Variants in KCNIP4 observed in about 807,000 individuals in gnomAD.
The protein encoded by KCNIP4 is potassium voltage-gated channel interacting protein 4, also known as Kv channel-interacting protein 4.
In KCNIP4, 12 loss-of-function variants were observed where a neutral mutation model predicts 34.0. That is an observed-to-expected ratio of 0.35 (90% CI 0.23 to 0.57). The LOEUF (loss-of-function observed/expected upper bound fraction) is 0.57. KCNIP4 is among the 20% of genes least tolerant of loss of function. KCNIP4 has a pLI of 0.83. For missense variants in KCNIP4, 238 were observed against 311.7 expected (o/e 0.76, Z 1.78); for synonymous variants, 124 against 102.2 (o/e 1.21, Z -1.29).
chr4:21,580,909 A>G (rs6843752), intron 1 of KCNIP4, among the ~76,000 whole-genome samples: 9,917 of 152,126 alleles, frequency 0.065, 473 homozygotes, highest in African/African-American at 0.13. Context: ...TTGTAAGGAT[A>G]TGTCAGCCTA....
At chr4:21,694,049 C>T (rs1711985147) in intron 1 of KCNIP4, among the ~76,000 whole-genome samples, 1 of 152,100 alleles carries the variant, frequency 6.6e-6, no homozygotes, top group African/African-American at 2.4e-5. Context: ...TCAAAACAAC[C>T]TTCAAATAAG....
intron 1 of KCNIP4, among the ~76,000 whole-genome samples, chr4:21,238,133 T>A (rs1333112434): frequency 6.6e-6 from 1 of 152,146 alleles, no homozygotes; most frequent in Non-Finnish European, 1.5e-5. Flanking sequence ...AAAAACCACA[T>A]GATTACCTCA....
chr4:21,630,121 C>T (rs979677842), intron 1 of KCNIP4, among the ~76,000 whole-genome samples: 2 of 151,200 alleles, frequency 1.3e-5, no homozygotes, highest in East Asian at 4.0e-4. Flanking sequence ...ACCTTGGCCT[C>T]CCAAAATACT....
At chr4:20,783,525 TA>T (rs1711528432) in intron 3 of KCNIP4, among the ~76,000 whole-genome samples, 1 of 152,170 alleles carries the variant, frequency 6.6e-6, no homozygotes, top group Non-Finnish European at 1.5e-5. Flanking sequence ...AAACCCCTGA[TA>T]AAACTGTCAG....
chr4:20,770,142 C>A (rs2149377958), intron 3 of KCNIP4, among the ~76,000 whole-genome samples: 1 of 152,268 alleles, frequency 6.6e-6, no homozygotes, highest in Non-Finnish European at 1.5e-5. Context: ...GTTTTCATAG[C>A]AGTTTTTGTT....
intron 1 of KCNIP4, among the ~76,000 whole-genome samples, chr4:21,736,638 C>G (rs1716009486): frequency 6.6e-6 from 1 of 152,172 alleles, no homozygotes; most frequent in Non-Finnish European, 1.5e-5. Flanking sequence ...TATGTCACTT[C>G]ATAAGTGAAG....
At position 21,530,270 on chromosome 4, in the gene KCNIP4, C is replaced by T. The variant is rs188670602; in HGVS notation, c.61+418301G>A. Among the ~76,000 whole-genome samples, 322 of 152,192 alleles carry T rather than the reference C, an allele frequency of 2.1e-3. 1 individual carries two copies. Among genetic ancestry groups the T allele is most frequent in the Non-Finnish European group, 2.5e-3 (171 of 68,020 alleles). On this transcript the variant is annotated intron_variant, in intron 1 of 8. Coordinates refer to ENST00000382152, the MANE Select transcript of KCNIP4 (RefSeq NM_025221.6). ...TCAAATACATAATGTACTTTTGTTT[C>T]CTAGGTTATACAGCTCTAGCTACAG...
intron 1 of KCNIP4, among the ~76,000 whole-genome samples, chr4:21,589,912 T>A (rs569389082): frequency 3.3e-5 from 5 of 151,996 alleles, no homozygotes; most frequent in African/African-American, 1.2e-4. Context: ...CATAAGATGC[T>A]AGAAAAGTAA....
At chr4:21,335,561 G>T (rs1716095129) in intron 1 of KCNIP4, among the ~76,000 whole-genome samples, 1 of 152,112 alleles carries the variant, frequency 6.6e-6, no homozygotes, top group Admixed American at 6.5e-5. Context: ...TCCACATTTT[G>T]CTAAGGCAGT....
chr4:21,502,801 G>T (rs1389859584), intron 1 of KCNIP4, among the ~76,000 whole-genome samples: 1 of 152,092 alleles, frequency 6.6e-6, no homozygotes, highest in African/African-American at 2.4e-5. Context: ...ACAGAGTGCG[G>T]GCTCACTATA....
intron 3 of KCNIP4, among the ~76,000 whole-genome samples, chr4:20,842,369 G>T (rs1042521321): frequency 1.4e-4 from 22 of 152,074 alleles, no homozygotes; most frequent in Non-Finnish European, 3.2e-4. Flanking sequence ...GCTGCAGGCA[G>T]TTCCTTCTGG....
At chr4:21,484,026 C>T (rs1731692013) in intron 1 of KCNIP4, among the ~76,000 whole-genome samples, 1 of 151,780 alleles carries the variant, frequency 6.6e-6, no homozygotes, top group African/African-American at 2.4e-5. Flanking sequence ...TTATAGATTA[C>T]CCAGTTGCAG....
At chr4:21,650,036 T>G (rs1747355214) in intron 1 of KCNIP4, among the ~76,000 whole-genome samples, 1 of 152,212 alleles carries the variant, frequency 6.6e-6, no homozygotes, top group South Asian at 2.1e-4. Flanking sequence ...GATCCTACTA[T>G]GTTTTAACCC....
chr4:21,438,944 C>T (rs1727197598), intron 1 of KCNIP4, among the ~76,000 whole-genome samples: 1 of 152,022 alleles, frequency 6.6e-6, no homozygotes, highest in Non-Finnish European at 1.5e-5. Context: ...GGGCAGATCA[C>T]GAGGTCAGGA....
In KCNIP4 at chr4:21,439,521, G is replaced by A. The variant is rs555347246; in HGVS notation, c.61+509050C>T. Among the ~76,000 whole-genome samples, 10 of 152,298 alleles carry A rather than the reference G, an allele frequency of 6.6e-5. No homozygotes were observed. The East Asian group carries it at 1.9e-3, about 29-fold the overall frequency. ...ATCTCCACTGCAGAGGCTGTGAAAT[G>A]TACACATCTTCCAAGACTTCCTTGC... is the stretch of plus-strand genomic sequence containing the variant. On this transcript the variant is annotated intron_variant, in intron 1 of 8. Transcript: ENST00000382152.
At chr4:21,052,891 G>A (rs183586695) in intron 1 of KCNIP4, among the ~76,000 whole-genome samples, 88 of 152,080 alleles carry the variant, frequency 5.8e-4, no homozygotes, top group African/African-American at 1.9e-3. Flanking sequence ...ATTCAGCCAT[G>A]TGCATTTGCT....
intron 1 of KCNIP4, among the ~76,000 whole-genome samples, chr4:21,010,126 C>T (rs1738940744): frequency 6.6e-6 from 1 of 152,166 alleles, no homozygotes; most frequent in Non-Finnish European, 1.5e-5. Flanking sequence ...CAGTAGGTCA[C>T]ACACTTACTG....
chr4:21,128,364 C>T (rs1279224845), intron 1 of KCNIP4, among the ~76,000 whole-genome samples: 3 of 152,130 alleles, frequency 2.0e-5, no homozygotes, highest in African/African-American at 2.4e-5. Flanking sequence ...ATGAAGCATG[C>T]GATGTTTCAG....
At chr4:21,441,267 G>A (rs901175966) in intron 1 of KCNIP4, among the ~76,000 whole-genome samples, 6 of 151,078 alleles carry the variant, frequency 4.0e-5, no homozygotes, top group Middle Eastern at 6.8e-3. Flanking sequence ...TCAGCCTCCC[G>A]AGTAGCTGGG....
Sources: allele counts gnomAD v4.1 joint callset (sites outside exome capture counted in the v4.1 genomes callset), GRCh38; gene constraint gnomAD v4.1.1; transcripts MANE v1.5; gene names NCBI Gene and HGNC (gene_info 2026-07-23, HGNC 2026-07-21).